The following SPINDOC variants were observed in gnomAD, a reference collection of about 807,000 sequenced individuals.
The protein encoded by SPINDOC is spindlin interactor and repressor of chromatin binding.
Under a neutral mutation model 30.7 loss-of-function variants are expected in SPINDOC, and 13 were observed. The ratio of observed to expected loss-of-function variants is 0.42; its 90% confidence interval spans 0.28 to 0.67. The LOEUF (loss-of-function observed/expected upper bound fraction) is 0.67, where lower values mean the gene tolerates loss of function less well. Among genes scored for constraint, SPINDOC ranks in the 30% least tolerant of loss-of-function variants. SPINDOC has a pLI of 0.22. For synonymous variants in SPINDOC, 228 were observed against 211.4 expected (o/e 1.08, Z -0.68); for missense variants, 438 against 518.0 (o/e 0.85, Z 1.50).
rs189450542 is a variant in SPINDOC, at chr11:63,822,992, C to T, written c.935-3936C>T. On this transcript the variant is annotated intron_variant, in intron 5 of 5. Coordinates refer to ENST00000294244, the MANE Select transcript of SPINDOC (RefSeq NM_138471.3). The stretch of plus-strand genomic sequence containing the variant: ...GTAGGGTGTTGTCAGCAGTGGCAGC[C>T]TTCGTGGAGGTTGGAGATGCCTGGG... The T allele has an allele frequency of 6.8e-4, 723 of 1,059,088 alleles. 5 individuals carry two copies. The African/African-American group carries it at 0.011, about 16-fold the overall frequency. 65.6% of individuals were successfully genotyped at this position (1,059,088 alleles called of 1,614,324 possible).
rs1329921600 is a variant in SPINDOC, at chr11:63,827,368, G to C, written c.*229G>C. 1.5e-6 allele frequency: 1 copy of C among 682,312 alleles called. No homozygotes were observed. Among genetic ancestry groups the C allele is most frequent in the Non-Finnish European group, 2.4e-6 (1 of 414,582 alleles). The allele number at this position is 682,312 out of a possible 1,614,324, so 42.3% of individuals were successfully genotyped here. A position where few individuals can be genotyped will look rare whatever the true frequency, so the allele number is the denominator to read the frequency against. ...GAGGCTGTTGTGCAGTAGGGCACTGGGCCTGTGGAGAACACCTACCCCAGT... is the reference window on the plus strand; with the variant it reads ...GAGGCTGTTGTGCAGTAGGGCACTGCGCCTGTGGAGAACACCTACCCCAGT... On this transcript the variant is annotated 3_prime_UTR_variant, in exon 6 of 6. Coordinates refer to ENST00000294244, the MANE Select transcript of SPINDOC (RefSeq NM_138471.3).
rs544850529 is a variant in SPINDOC, at chr11:63,819,030, T to C, written c.934+28T>C. The C allele has an allele frequency of 4.3e-6, 6 of 1,393,478 alleles. No individual in the cohort carries two copies. The South Asian group carries it at 6.8e-5, about 16-fold the overall frequency. The allele number at this position is 1,393,478 out of a possible 1,614,324, so 86.3% of individuals were successfully genotyped here. A position where few individuals can be genotyped will look rare whatever the true frequency, so the allele number is the denominator to read the frequency against. On this transcript the variant is annotated intron_variant, in intron 5 of 5. Transcript: ENST00000294244. Reference sequence around the variant, plus strand: ...GAGCCCTCCTGAGAGGGAAGCACAGTAGGGACCTCGCAGGCAGCGCTCCTG... The same window carrying C: ...GAGCCCTCCTGAGAGGGAAGCACAGCAGGGACCTCGCAGGCAGCGCTCCTG...
At chr11:63,822,617 T>C (rs770644198) in intron 5 of SPINDOC, 1 of 1,289,116 alleles carries the variant, frequency 7.8e-7, no homozygotes, top group Non-Finnish European at 1.0e-6. Flanking sequence ...GATCACAGTT[T>C]TAACTGTCTC....
At position 63,826,641 on chromosome 11, in the gene SPINDOC, C is replaced by T. The variant is rs1590939301; in HGVS notation, c.935-287C>T. Among the ~76,000 whole-genome samples the T allele has an allele frequency of 3.3e-5, 5 of 152,182 alleles. No homozygotes were observed. The South Asian group carries it at 1.0e-3, about 31-fold the overall frequency. On this transcript the variant is annotated intron_variant, in intron 5 of 5. Transcript: ENST00000294244. ...TAGGAGTTACAGGAAGAGGCACGAG[C>T]ACCAGGCGTCCCTGTGCCAAAATAC...
chr11:63,818,447 C>G lies in SPINDOC; in HGVS notation c.608-80C>G. 1 of 1,603,532 alleles carries G rather than the reference C, an allele frequency of 6.2e-7. No individual in the cohort carries two copies. Among genetic ancestry groups the G allele is most frequent in the Non-Finnish European group, 8.5e-7 (1 of 1,176,588 alleles). The stretch of plus-strand genomic sequence containing the variant: ...TGAAATACAGGCCCTGTGTTCTGGG[C>G]AGGTATCTTCAGGAGCCCTGGGGTG... On this transcript the variant is annotated intron_variant, in intron 3 of 5. Transcript: ENST00000294244. This position sits in a 1 kb window ranked among gnomAD's most constrained non-coding sequence, Gnocchi z 5.3.
At position 63,817,836 on chromosome 11, in the gene SPINDOC, A is replaced by G; in HGVS notation, c.159A>G (p.Arg53=). The G allele has an allele frequency of 6.2e-7, 1 of 1,602,854 alleles. No individual in the cohort carries two copies. Among genetic ancestry groups the G allele is most frequent in the Non-Finnish European group, 8.5e-7 (1 of 1,174,814 alleles). The change falls in exon 2 of 6, where the codon AGA becomes AGG. Residue 53 remains arginine, a synonymous_variant. Coordinates refer to ENST00000294244, the MANE Select transcript of SPINDOC (RefSeq NM_138471.3). ...AACAGGAGAAGACCCCACCGCCTAG[A>G]CCCAGCCCGCTAGAGGCAGGCAGTG... ...VTQQEKTPPP[R]PSPLEAGSDG...
chr11:63,823,420 G>C (rs2015581178), intron 5 of SPINDOC: 1 of 946,002 alleles, frequency 1.1e-6, no homozygotes, highest in Non-Finnish European at 1.4e-6. Flanking sequence ...GGCCACCTGT[G>C]GTCAGGTTAG....
intron 1 of SPINDOC, among the ~76,000 whole-genome samples, chr11:63,814,109 C>T (rs774143399): frequency 6.6e-6 from 1 of 152,238 alleles, no homozygotes; most frequent in Non-Finnish European, 1.5e-5. Context: ...CCCCCTCTCC[C>T]GGGCCCAGCA....
At chr11:63,822,785 C>G (rs1432673979) in intron 5 of SPINDOC, 15 of 1,288,978 alleles carry the variant, frequency 1.2e-5, no homozygotes, top group Non-Finnish European at 1.5e-5. Flanking sequence ...ATTTCATTCT[C>G]GAAAGGGAGC....
Position 63,813,575 on chromosome 11 carries a change from G to T in SPINDOC, c.-112G>T. The T allele has an allele frequency of 2.1e-6, 2 of 950,518 alleles. No individual in the cohort carries two copies. Among genetic ancestry groups the T allele is most frequent in the Admixed American group, 5.8e-5 (1 of 17,390 alleles). The allele number at this position is 950,518 out of a possible 1,614,324, so 58.9% of individuals were successfully genotyped here. ...GGCGGCGGGGAGGGGGCTGCGCGGGGCGGGCGGCGGGCCCGGCGCTATTCC... is the reference window on the plus strand; with the variant it reads ...GGCGGCGGGGAGGGGGCTGCGCGGGTCGGGCGGCGGGCCCGGCGCTATTCC... On this transcript the variant is annotated 5_prime_UTR_variant, in exon 1 of 6. Transcript: ENST00000294244.
At chr11:63,813,859 G>A in intron 1 of SPINDOC, 46 bp downstream of exon 1, 2 of 1,458,650 alleles carry the variant, frequency 1.4e-6, no homozygotes, top group Non-Finnish European at 1.8e-6. Context: ...TGCGGGGCCG[G>A]GGCTGGGGCC....
chr11:63,826,055 C>T (rs545090531), intron 5 of SPINDOC, among the ~76,000 whole-genome samples: 1 of 152,240 alleles, frequency 6.6e-6, no homozygotes, highest in South Asian at 2.1e-4. Flanking sequence ...TCTCCCGCCT[C>T]AGCCTCCTGA....
chr11:63,813,483 C>T lies in SPINDOC; in HGVS notation c.-204C>T, dbSNP rs965605961. On this transcript the variant is annotated 5_prime_UTR_variant, in exon 1 of 6. Transcript: ENST00000294244. Reference sequence around the variant, plus strand: ...ATTGAGCCCTCCCCGCCCGGGCTCCCGACGCGCCGAGGTCTCGGGGAGGCC... The same window carrying T: ...ATTGAGCCCTCCCCGCCCGGGCTCCTGACGCGCCGAGGTCTCGGGGAGGCC... 2.0e-5 allele frequency: 4 copies of T among 200,822 alleles called. No homozygotes were observed. The highest frequency in any genetic ancestry group is 3.5e-5 in the Non-Finnish European group (4 of 114,864). The allele number at this position is 200,822 out of a possible 1,614,324, so 12.4% of individuals were successfully genotyped here.
chr11:63,816,542 T>G (rs1302037376), intron 1 of SPINDOC, among the ~76,000 whole-genome samples: 1 of 152,122 alleles, frequency 6.6e-6, no homozygotes, highest in African/African-American at 2.4e-5. Context: ...CTTGTATCCA[T>G]GCAAGCCGAG....
rs1348052347 is a variant in SPINDOC, at chr11:63,818,088, C to T, written c.411C>T (p.Ala137=). The change falls in exon 2 of 6, where the codon GCC becomes GCT. Residue 137 remains alanine (A), a synonymous_variant. Transcript: ENST00000294244. This position sits in a 1 kb window ranked among gnomAD's most constrained non-coding sequence, Gnocchi z 5.3. ...NILEAWSEGV[A]LLQDVRAEQP... is the part of the protein sequence containing the mutation. The stretch of plus-strand genomic sequence containing the variant: ...TGGAGGCCTGGAGTGAAGGGGTGGC[C>T]CTCTTGCAAGACGTGAGAGCTGAGC... 1.9e-6 allele frequency: 3 copies of T among 1,614,126 alleles called. No individual in the cohort carries two copies. The Admixed American group carries it at 5.0e-5, about 27-fold the overall frequency.
intron 5 of SPINDOC, among the ~76,000 whole-genome samples, chr11:63,825,998 G>T (rs1160506461): frequency 6.6e-6 from 1 of 151,840 alleles, no homozygotes; most frequent in Non-Finnish European, 1.5e-5. Flanking sequence ...GAGTGCAGTG[G>T]CGTGATCTTG....
At chr11:63,816,299 C>G (rs1383010476) in intron 1 of SPINDOC, among the ~76,000 whole-genome samples, 5 of 152,080 alleles carry the variant, frequency 3.3e-5, no homozygotes, top group African/African-American at 1.2e-4. Context: ...AAAGAAGAAC[C>G]AACAGAAGGT....
At chr11:63,823,043 A>G (rs1184337578) in intron 5 of SPINDOC, 3 of 1,069,644 alleles carry the variant, frequency 2.8e-6, no homozygotes, top group African/African-American at 3.3e-5. Flanking sequence ...CCTCACTGGT[A>G]CACAAGTGTT....
intron 1 of SPINDOC, 121 bp downstream of exon 1, chr11:63,813,934 G>A: frequency 7.8e-7 from 1 of 1,281,166 alleles, no homozygotes; most frequent in South Asian, 1.8e-5. Context: ...TGGGGCCCAG[G>A]TTTCCCTCTC....
Sources: gnomAD v4.1 joint callset for allele counts (sites outside exome capture counted in the v4.1 genomes callset) on GRCh38, gnomAD v4.1.1 for gene constraint, Gnocchi (gnomAD v3.1) non-coding constraint, MANE v1.5 for transcripts, NCBI Gene and HGNC (gene_info 2026-07-23, HGNC 2026-07-21) for gene names.